Variants in TPP2 observed in about 807,000 individuals in gnomAD.
TPP2 encodes the protein tripeptidyl-peptidase 2.
In TPP2, 34 loss-of-function variants were observed where a neutral mutation model predicts 155.9. The ratio of observed to expected loss-of-function variants is 0.22; its 90% CI spans 0.17 to 0.29. The LOEUF (loss-of-function observed/expected upper bound fraction) is 0.29, where lower values mean the gene tolerates loss of function less well. Ranked by LOEUF, TPP2 falls within the 10% of genes least tolerant of loss-of-function variation. TPP2 has a pLI of 1.00. For missense variants in TPP2, 1,028 were observed against 1,522.3 expected (o/e 0.68, Z 5.40); for synonymous variants, 510 against 529.4 (o/e 0.96, Z 0.50).
At chr13:102,671,950 A>T (rs1885008853) in intron 27 of TPP2, among the ~76,000 whole-genome samples, 1 of 152,202 alleles carries the variant, frequency 6.6e-6, no homozygotes, top group African/African-American at 2.4e-5. Flanking sequence ...CTGTTGTCCC[A>T]TGATGAAACC....
At chr13:102,644,217 G>A (rs979121713) in intron 17 of TPP2, among the ~76,000 whole-genome samples, 5 of 151,904 alleles carry the variant, frequency 3.3e-5, no homozygotes, top group African/African-American at 9.7e-5. Context: ...TTATTGTGTC[G>A]TTATACTTGA....
At chr13:102,610,018 CAT>C (rs1488262865) in intron 2 of TPP2, among the ~76,000 whole-genome samples, 1 of 152,142 alleles carries the variant, frequency 6.6e-6, no homozygotes, top group Non-Finnish European at 1.5e-5. Context: ...CCATCCATAA[CAT>C]GTACTCACAC....
intron 16 of TPP2, 34 bp downstream of exon 16, chr13:102,640,410 C>T: frequency 6.6e-7 from 1 of 1,525,902 alleles, no homozygotes; most frequent in Non-Finnish European, 9.1e-7. Flanking sequence ...GACCGCTTAT[C>T]TCTGTTTACG....
chr13:102,614,459 G>GTT (rs760145010), intron 3 of TPP2, among the ~76,000 whole-genome samples: 16 of 152,212 alleles, frequency 1.1e-4, no homozygotes, highest in Non-Finnish European at 2.4e-4. Flanking sequence ...AGATTTTTGT[G>GTT]TTTTTCTGGG....
chr13:102,634,653 C>T (rs1298242336), intron 11 of TPP2, among the ~76,000 whole-genome samples: 1 of 152,194 alleles, frequency 6.6e-6, no homozygotes, highest in African/African-American at 2.4e-5. Flanking sequence ...TTCTCACCCA[C>T]ACCACAGTTT....
At chr13:102,673,772 TC>T (rs1885134566) in intron 27 of TPP2, among the ~76,000 whole-genome samples, 1 of 152,250 alleles carries the variant, frequency 6.6e-6, no homozygotes, top group Non-Finnish European at 1.5e-5. Flanking sequence ...AGTCTCTTAC[TC>T]AGAATTGTTT....
At chr13:102,630,684 A>G (rs183606236) in intron 10 of TPP2, among the ~76,000 whole-genome samples, 12 of 152,322 alleles carry the variant, frequency 7.9e-5, no homozygotes, top group South Asian at 2.1e-4. Context: ...AATGAAGTCT[A>G]TCTCTTTTGG....
chr13:102,633,322 C>T (rs1370536362), intron 10 of TPP2, among the ~76,000 whole-genome samples: 5 of 152,042 alleles, frequency 3.3e-5, no homozygotes, highest in African/African-American at 9.7e-5. Flanking sequence ...GGTTAGTCTG[C>T]GTTAAGATGT....
At chr13:102,668,954 G>C (rs1884791087) in intron 27 of TPP2, among the ~76,000 whole-genome samples, 1 of 152,100 alleles carries the variant, frequency 6.6e-6, no homozygotes, top group Non-Finnish European at 1.5e-5. Context: ...TTCATTTCTG[G>C]TACCGGGTTG....
intron 27 of TPP2, among the ~76,000 whole-genome samples, chr13:102,669,408 T>C (rs1282441417): frequency 6.6e-6 from 1 of 152,164 alleles, no homozygotes; most frequent in Admixed American, 6.5e-5. Context: ...CCAATATCAG[T>C]TTTAATTTTT....
chr13:102,663,639 C>T lies in TPP2; in HGVS notation c.3144-9C>T, dbSNP rs954265350. Reference sequence around the variant, plus strand: ...AAAGTAAATATTTCTCTCCTTCTTACATACATAGGCTGGATTCTAGTGACA... The same window carrying T: ...AAAGTAAATATTTCTCTCCTTCTTATATACATAGGCTGGATTCTAGTGACA... On this transcript the variant is annotated splice_polypyrimidine_tract_variant and intron_variant, in intron 25 of 29. Transcript: ENST00000376052. 12 of 1,568,090 alleles carry T rather than the reference C, an allele frequency of 7.7e-6. No homozygotes were observed. In the Admixed American group the frequency reaches 1.9e-4, roughly 25 times the overall value.
chr13:102,627,519 G>T (rs991317323), intron 7 of TPP2, among the ~76,000 whole-genome samples: 1 of 151,832 alleles, frequency 6.6e-6, no homozygotes. Flanking sequence ...TCATTTTAAC[G>T]TAGGAAAGTA....
intron 1 of TPP2, among the ~76,000 whole-genome samples, chr13:102,597,603 G>GC (rs1249017670): frequency 6.6e-6 from 1 of 152,198 alleles, no homozygotes; most frequent in East Asian, 1.9e-4. Context: ...GCCTTCCTCT[G>GC]CCTACCCCTC....
intron 6 of TPP2, 50 bp downstream of exon 6, chr13:102,623,090 A>C: frequency 6.4e-7 from 1 of 1,561,194 alleles, no homozygotes; most frequent in Non-Finnish European, 8.7e-7. Flanking sequence ...GAGGTGATAA[A>C]GTGGTACGTT....
intron 2 of TPP2, chr13:102,607,892 C>T (rs570632537): frequency 8.0e-5 from 15 of 186,438 alleles, no homozygotes; most frequent in Non-Finnish European, 1.6e-4. Flanking sequence ...TGCCTGGCCT[C>T]ATTTATTTTT....
chr13:102,605,740 G>A (rs997856150), intron 2 of TPP2, among the ~76,000 whole-genome samples: 24 of 119,952 alleles, frequency 2.0e-4, no homozygotes, highest in African/African-American at 6.7e-4. Context: ...TTTTTTTTTC[G>A]AGACATAGAG....
chr13:102,609,124 G>A (rs1880069517), intron 2 of TPP2, among the ~76,000 whole-genome samples: 1 of 152,110 alleles, frequency 6.6e-6, no homozygotes, highest in Non-Finnish European at 1.5e-5. Flanking sequence ...CCATGCAAGG[G>A]GCCTGGAGTG....
At chr13:102,618,982 T>C (rs1478304603) in intron 5 of TPP2, 136 bp downstream of exon 5, 1 of 1,126,438 alleles carries the variant, frequency 8.9e-7, no homozygotes, top group East Asian at 2.8e-5. Context: ...AAGGGCCAAA[T>C]TGGCATCTGG....
At chr13:102,649,935 A>G (rs1883374996) in intron 23 of TPP2, among the ~76,000 whole-genome samples, 1 of 152,152 alleles carries the variant, frequency 6.6e-6, no homozygotes, top group African/African-American at 2.4e-5. Context: ...AGTCAGAACA[A>G]TTACCCTAAA....
Sources: gnomAD v4.1 joint callset for allele counts (sites outside exome capture counted in the v4.1 genomes callset) on GRCh38, gnomAD v4.1.1 for gene constraint, MANE v1.5 for transcripts, NCBI Gene and HGNC (gene_info 2026-07-23, HGNC 2026-07-21) for gene names.